The following STIM1 variants were observed in gnomAD, a reference collection of about 807,000 sequenced individuals.
STIM1 encodes stromal interaction molecule 1.
In STIM1, 25 loss-of-function variants were observed where a neutral mutation model predicts 74.7. The observed-to-expected ratio is 0.33, with a 90% confidence interval of 0.24 to 0.47. STIM1 has a LOEUF of 0.47. Ranked by LOEUF, STIM1 falls within the 20% of genes least tolerant of loss-of-function variation. The pLI is 1.00. For synonymous variants in STIM1, 328 were observed against 348.8 expected (o/e 0.94, Z 0.66); for missense variants, 728 against 920.8 (o/e 0.79, Z 2.71).
intron 1 of STIM1, among the ~76,000 whole-genome samples, chr11:3,871,263 G>C (rs375369435): frequency 9.8e-5 from 15 of 152,308 alleles, no homozygotes; most frequent in African/African-American, 3.6e-4. Flanking sequence ...TGGAGGCAAA[G>C]TGATAGCTGA....
chr11:3,910,284 GT>G (rs1346462641), intron 1 of STIM1, among the ~76,000 whole-genome samples: 2 of 152,228 alleles, frequency 1.3e-5, no homozygotes, highest in Non-Finnish European at 2.9e-5. Context: ...GTCAGGAAAG[GT>G]TAGAAAAGAG....
chr11:3,904,103 A>G (rs2092413989), intron 1 of STIM1, among the ~76,000 whole-genome samples: 1 of 148,344 alleles, frequency 6.7e-6, no homozygotes, highest in African/African-American at 2.5e-5. Flanking sequence ...AGGCTGAGGC[A>G]GGAGAATTGC....
At position 4,083,452 on chromosome 11, in the gene STIM1, C is replaced by T. The variant is rs776633274; in HGVS notation, c.1428C>T (p.Asp476=). 17 of 1,614,216 alleles carry T rather than the reference C, an allele frequency of 1.1e-5. No homozygotes were observed. The highest frequency in any genetic ancestry group is 6.6e-5 in the South Asian group (6 of 91,080). ...CTGCTCACTTCATCATGACTGACGA[C>T]GTGGATGACATGGATGAGGAGATTG... ...PNPAHFIMTD[D]VDDMDEEIVS... is the part of the protein sequence containing the mutation. Residue 476 remains aspartate, a synonymous_variant, in exon 10 of 13, where the codon GAC becomes GAT. Transcript: ENST00000526596.
intron 6 of STIM1, among the ~76,000 whole-genome samples, chr11:4,073,898 G>A (rs2094421448): frequency 8.6e-6 from 1 of 116,090 alleles, no homozygotes; most frequent in African/African-American, 2.8e-5. Flanking sequence ...GAGTCCAAGA[G>A]GACTCCTAGC....
Position 3,895,729 on chromosome 11 carries a change from TCTTTCTTTTTCTTTCTTCCTTCCTTC to T in STIM1, c.139+39324_139+39349del, listed in dbSNP as rs1565105277. Among the ~76,000 whole-genome samples, 13 of 41,072 alleles carry T rather than the reference TCTTTCTTTTTCTTTCTTCCTTCCTTC, an allele frequency of 3.2e-4. 1 individual carries two copies. The highest frequency in any genetic ancestry group is 8.6e-3 in the Middle Eastern group (1 of 116). The allele number at this position is 41,072 out of a possible 152,430, so 26.9% of individuals were successfully genotyped here. On this transcript the variant is annotated intron_variant, in intron 1 of 12. Transcript: ENST00000526596. ...TTCTTTCTTTCTTTCTTTCTTTCTTTCTTTCTTTTTCTTTCTTCCTTCCTTCCTTCCTTCCTTCCTTCCTTCCTTCC... is the reference window on the plus strand; with the variant it reads ...TTCTTTCTTTCTTTCTTTCTTTCTTTCTTCCTTCCTTCCTTCCTTCCTTCC...
intron 3 of STIM1, among the ~76,000 whole-genome samples, chr11:4,027,014 G>A (rs775966890): frequency 2.6e-5 from 4 of 152,084 alleles, no homozygotes; most frequent in Admixed American, 6.5e-5. Context: ...TTCTAGTCAC[G>A]TGGTTGATTT....
chr11:4,042,177 A>T (rs1305053660), intron 3 of STIM1, among the ~76,000 whole-genome samples: 1 of 152,194 alleles, frequency 6.6e-6, no homozygotes, highest in Admixed American at 6.5e-5. Context: ...GCCCTGGCAC[A>T]TCCCTGGATG....
intron 7 of STIM1, 93 bp from the exon 8 acceptor site, chr11:4,082,091 A>C: frequency 7.7e-7 from 1 of 1,300,942 alleles, no homozygotes; most frequent in Non-Finnish European, 1.1e-6. Flanking sequence ...AGAGTTGTAA[A>C]GCAGATAAGA....
chr11:4,074,743 T>A, intron 7 of STIM1, 64 bp downstream of exon 7: 2 of 1,525,820 alleles, frequency 1.3e-6, no homozygotes, highest in Non-Finnish European at 1.8e-6. Context: ...GCCCAGGGTC[T>A]GGCTAGAAAG....
intron 6 of STIM1, among the ~76,000 whole-genome samples, chr11:4,072,699 T>C (rs2094411415): frequency 6.6e-6 from 1 of 152,228 alleles, no homozygotes; most frequent in Admixed American, 6.5e-5. Flanking sequence ...TATCATAGTA[T>C]TGGCTTTTCT....
chr11:3,921,600 G>A (rs915630904), intron 1 of STIM1, among the ~76,000 whole-genome samples: 2 of 152,138 alleles, frequency 1.3e-5, no homozygotes, highest in African/African-American at 4.8e-5. Flanking sequence ...GGATATACTT[G>A]GTTTTAAAAT....
intron 2 of STIM1, among the ~76,000 whole-genome samples, chr11:4,016,813 G>A (rs2093902261): frequency 6.6e-6 from 1 of 152,214 alleles, no homozygotes; most frequent in Admixed American, 6.5e-5. Flanking sequence ...CAGTGTCCCG[G>A]GTCGATCTCA....
At chr11:4,079,389 C>T (rs550738396) in intron 7 of STIM1, among the ~76,000 whole-genome samples, 14 of 151,790 alleles carry the variant, frequency 9.2e-5, no homozygotes, top group Non-Finnish European at 1.6e-4. Flanking sequence ...GGCTGGCCAA[C>T]GTAGTGAAAC....
At position 4,091,552 on chromosome 11, in the gene STIM1, A is replaced by G; in HGVS notation, c.1905A>G (p.Pro635=). The G allele has an allele frequency of 6.2e-7, 1 of 1,614,080 alleles. No individual in the cohort carries two copies. The highest frequency in any genetic ancestry group is 1.3e-5 in the African/African-American group (1 of 75,010). ...HSLMELSPSA[P]PGGSPHLDSS... is the part of the protein sequence containing the mutation. ...TGATGGAGCTGAGCCCCTCAGCCCC[A>G]CCTGGTGGCTCTCCACATTTGGATT... Residue 635 remains proline (P), a synonymous_variant, in exon 13 of 13, where the codon CCA becomes CCG. Coordinates refer to ENST00000526596, the MANE Select transcript of STIM1 (RefSeq NM_001382567.1).
At chr11:4,028,866 G>A (rs1736164699) in intron 3 of STIM1, among the ~76,000 whole-genome samples, 1 of 152,034 alleles carries the variant, frequency 6.6e-6, no homozygotes, top group African/African-American at 2.4e-5. Context: ...GTTTCCAAAA[G>A]TTTTTGTTTC....
intron 3 of STIM1, among the ~76,000 whole-genome samples, chr11:4,036,288 G>T (rs1343807864): frequency 1.3e-5 from 2 of 152,060 alleles, no homozygotes; most frequent in African/African-American, 4.8e-5. Context: ...CCATGTCTTT[G>T]CTATTGTGAA....
chr11:3,887,969 C>CA (rs71047183), intron 1 of STIM1: 2,792 of 104,854 alleles, frequency 0.027, 89 homozygotes, highest in African/African-American at 0.079. Context: ...GACTCTGTCT[C>CA]AAAAAAAAAA....
rs7936691 is a variant in STIM1, at chr11:3,875,467, T to C, written c.139+19058T>C. ...TAGGCCAGGCACAGTGGCTCATGCT[T>C]GTAATCCCAGCACTTTGGGAGGCCG... On this transcript the variant is annotated intron_variant, in intron 1 of 12. Coordinates refer to ENST00000526596, the MANE Select transcript of STIM1 (RefSeq NM_001382567.1). 2.8e-3 allele frequency among the ~76,000 whole-genome samples: 421 copies of C among 152,298 alleles called. 1 individual carries two copies. The highest frequency in any genetic ancestry group is 9.6e-3 in the African/African-American group (397 of 41,566).
chr11:3,971,382 C>A (rs1390915163), intron 2 of STIM1, among the ~76,000 whole-genome samples: 4 of 151,912 alleles, frequency 2.6e-5, no homozygotes, highest in Admixed American at 6.6e-5. Flanking sequence ...ACAAAAAATT[C>A]TCCGGGCGTG....
Sources: gnomAD v4.1 joint callset for allele counts (sites outside exome capture counted in the v4.1 genomes callset) on GRCh38, gnomAD v4.1.1 for gene constraint, MANE v1.5 for transcripts, NCBI Gene and HGNC (gene_info 2026-07-23, HGNC 2026-07-21) for gene names.